DAB1: variants seen among roughly 807,000 people sequenced by gnomAD.
DAB1 encodes the protein disabled homolog 1.
A neutral mutation model predicts 64.6 loss-of-function variants in DAB1; 15 were observed. The ratio of observed to expected loss-of-function variants is 0.23; its 90% CI spans 0.16 to 0.36. The LOEUF (loss-of-function observed/expected upper bound fraction) is 0.36. DAB1 is among the 10% of genes least tolerant of loss of function. DAB1 has a pLI of 1.00. For synonymous variants in DAB1, 235 were observed against 251.9 expected (o/e 0.93, Z 0.64); for missense variants, 596 against 706.7 (o/e 0.84, Z 1.78).
intron 5 of DAB1, among the ~76,000 whole-genome samples, chr1:58,098,758 C>T (rs944705098): frequency 6.6e-6 from 1 of 152,136 alleles, no homozygotes; most frequent in East Asian, 1.9e-4. Flanking sequence ...CAACGTGAAG[C>T]CCCGGAGAAG....
intron 14 of DAB1, among the ~76,000 whole-genome samples, chr1:56,999,686 A>ATCTGAAG (rs1645770925): frequency 6.6e-6 from 1 of 152,184 alleles, no homozygotes; most frequent in Admixed American, 6.5e-5. Flanking sequence ...CAGATGAGGA[A>ATCTGAAG]TCTGAAGTCC....
At chr1:57,231,180 C>A (rs1318110087) in intron 2 of DAB1, among the ~76,000 whole-genome samples, 3 of 152,084 alleles carry the variant, frequency 2.0e-5, no homozygotes, top group South Asian at 2.1e-4. Flanking sequence ...CCCACATATA[C>A]AAAATATTAG....
chr1:57,388,643 C>T (rs1682087610), intron 1 of DAB1, among the ~76,000 whole-genome samples: 1 of 152,162 alleles, frequency 6.6e-6, no homozygotes, highest in Admixed American at 6.5e-5. Flanking sequence ...TCGTCTCTTT[C>T]TCTGAAAGCT....
upstream of DAB1, among the ~76,000 whole-genome samples, chr1:57,886,619 CCT>C (rs1313214743): frequency 6.6e-6 from 1 of 152,178 alleles, no homozygotes; most frequent in African/African-American, 2.4e-5. Flanking sequence ...GCTGTTATCC[CCT>C]CTTAGTGTCA....
intron 4 of DAB1, among the ~76,000 whole-genome samples, chr1:58,282,766 T>C (rs1269825117): frequency 5.9e-5 from 9 of 152,238 alleles, no homozygotes; most frequent in Non-Finnish European, 7.3e-5. Flanking sequence ...GACACTTGCA[T>C]GGTGTTGAAA....
chr1:57,683,677 G>A (rs953550059), intron 6 of DAB1, among the ~76,000 whole-genome samples: 4 of 152,114 alleles, frequency 2.6e-5, no homozygotes, highest in African/African-American at 9.7e-5. Flanking sequence ...GCTCTACCAA[G>A]ATGAAAAAGA....
chr1:57,047,793 T>C (rs78896172), intron 9 of DAB1, among the ~76,000 whole-genome samples: 1,743 of 152,320 alleles, frequency 0.011, 33 homozygotes, highest in African/African-American at 0.04. Context: ...CACTTGATCT[T>C]GTTGACACTA....
rs1351939162 is a variant in DAB1, at chr1:57,313,116, A to G, written c.-136-21950T>C. Among the ~76,000 whole-genome samples the G allele has an allele frequency of 2.6e-5, 4 of 152,268 alleles. No individual in the cohort carries two copies. The East Asian group carries it at 7.7e-4, about 29-fold the overall frequency. ...GGATGCAGTGCCCCAGTTTTTAGGCACTCACTGTTTCTGTGGAAATGATGC... is the reference window on the plus strand; with the variant it reads ...GGATGCAGTGCCCCAGTTTTTAGGCGCTCACTGTTTCTGTGGAAATGATGC... On this transcript the variant is annotated intron_variant, in intron 1 of 14. Transcript: ENST00000371236.
At chr1:57,791,764 C>G (rs1335624167) in intron 6 of DAB1, among the ~76,000 whole-genome samples, 1 of 152,156 alleles carries the variant, frequency 6.6e-6, no homozygotes, top group African/African-American at 2.4e-5. Context: ...CTTGTCCTCC[C>G]CACTGACAGT....
At position 58,326,774 on chromosome 1, in the gene DAB1, C is replaced by T. The variant is rs547963455; in HGVS notation, n.309+16578G>A. 1.6e-3 allele frequency among the ~76,000 whole-genome samples: 251 copies of T among 152,322 alleles called. 2 individuals carry two copies. The highest frequency in any genetic ancestry group is 0.015 in the Admixed American group (224 of 15,304). On this transcript the variant is annotated intron_variant and non_coding_transcript_variant, in intron 4 of 20. Transcript: ENST00000485760. ...CCCCTGAAAGGTGATTTCATGCCTT[C>T]TCCTTGGTCACTTATTGTCTTCTGG...
intron 6 of DAB1, among the ~76,000 whole-genome samples, chr1:57,744,828 A>C (rs1475976982): frequency 6.6e-6 from 1 of 152,190 alleles, no homozygotes; most frequent in Non-Finnish European, 1.5e-5. Flanking sequence ...CCTGTCCAGT[A>C]GGAACAAAAG....
At chr1:58,112,834 G>A (rs188028719) in intron 5 of DAB1, among the ~76,000 whole-genome samples, 1 of 152,272 alleles carries the variant, frequency 6.6e-6, no homozygotes, top group African/African-American at 2.4e-5. Context: ...GTGGTGTGAT[G>A]TAAATATGAT....
At chr1:58,123,762 T>A (rs1248108801) in intron 5 of DAB1, among the ~76,000 whole-genome samples, 1 of 152,196 alleles carries the variant, frequency 6.6e-6, no homozygotes, top group African/African-American at 2.4e-5. Flanking sequence ...TTATGTCTCT[T>A]CTGGCTCTGT....
chr1:58,391,323 G>T (rs980116014), intron 3 of DAB1, among the ~76,000 whole-genome samples: 2 of 152,206 alleles, frequency 1.3e-5, no homozygotes, highest in African/African-American at 4.8e-5. Flanking sequence ...TCTCCTCCAG[G>T]CTTCCACTAG....
intron 6 of DAB1, among the ~76,000 whole-genome samples, chr1:57,677,198 A>G (rs1421177576): frequency 6.6e-6 from 1 of 152,216 alleles, no homozygotes; most frequent in Non-Finnish European, 1.5e-5. Context: ...ACCAATCCTG[A>G]TGATACCTTG....
At chr1:57,934,950 G>C (rs1645005106) in intron 5 of DAB1, among the ~76,000 whole-genome samples, 1 of 152,194 alleles carries the variant, frequency 6.6e-6, no homozygotes, top group Non-Finnish European at 1.5e-5. Flanking sequence ...CAATGAGTCT[G>C]TCTCCCCTAA....
intron 3 of DAB1, among the ~76,000 whole-genome samples, chr1:58,421,145 C>A (rs1644767633): frequency 6.6e-6 from 1 of 152,192 alleles, no homozygotes; most frequent in Non-Finnish European, 1.5e-5. Flanking sequence ...GCAAGCAAAG[C>A]CGTAATGCTC....
chr1:57,063,299 G>A (rs577701121), intron 8 of DAB1, among the ~76,000 whole-genome samples: 1 of 152,172 alleles, frequency 6.6e-6, no homozygotes, highest in South Asian at 2.1e-4. Context: ...GTGCTATACT[G>A]TTCCTGAAGT....
At chr1:57,055,284 G>T in intron 9 of DAB1, among the ~76,000 whole-genome samples, 1 of 152,198 alleles carries the variant, frequency 6.6e-6, no homozygotes, top group East Asian at 1.9e-4. Flanking sequence ...AGGAAAGGGT[G>T]CAGGAGAGAA....
Sources: gnomAD v4.1 joint callset for allele counts (sites outside exome capture counted in the v4.1 genomes callset) on GRCh38, gnomAD v4.1.1 for gene constraint, MANE v1.5 for transcripts, NCBI Gene and HGNC (gene_info 2026-07-23, HGNC 2026-07-21) for gene names.